The following TAX1BP1 variants were observed in gnomAD, a reference collection of about 807,000 sequenced individuals.
The protein encoded by TAX1BP1 is Tax1 binding protein 1, also known as tax1-binding protein 1.
In TAX1BP1, 62 loss-of-function variants were observed where a neutral mutation model predicts 97.7. The ratio of observed to expected loss-of-function variants is 0.63; its 90% CI spans 0.52 to 0.78. The LOEUF (loss-of-function observed/expected upper bound fraction) is 0.78, where lower values mean the gene tolerates loss of function less well. Ranked by LOEUF, TAX1BP1 falls within the 30% of genes least tolerant of loss-of-function variation. TAX1BP1 has a pLI of 0.00. For missense variants in TAX1BP1, 867 were observed against 916.1 expected (o/e 0.95, Z 0.69); for synonymous variants, 340 against 304.2 (o/e 1.12, Z -1.23).
rs149513998 is a variant in TAX1BP1, at chr7:27,781,613, A to G, written c.613-3550A>G. ...GGACTGACAGTGCTCTAGGTTATTC[A>G]GGGAGTGAGTAGTGAGTGAATGTGA... On this transcript the variant is annotated intron_variant, in intron 5 of 16. Coordinates refer to ENST00000396319, the MANE Select transcript of TAX1BP1 (RefSeq NM_006024.7). Among the ~76,000 whole-genome samples, 70 of 152,328 alleles carry G rather than the reference A, an allele frequency of 4.6e-4. 1 individual carries two copies. Among genetic ancestry groups the G allele is most frequent in the Non-Finnish European group, 2.9e-4 (20 of 68,024 alleles).
intron 5 of TAX1BP1, among the ~76,000 whole-genome samples, chr7:27,777,941 C>G (rs148035809): frequency 6.6e-6 from 1 of 152,146 alleles, no homozygotes; most frequent in Non-Finnish European, 1.5e-5. Context: ...GTTCTTGTTA[C>G]TTTATCTTGG....
At chr7:27,804,633 A>C (rs945503238) in intron 13 of TAX1BP1, among the ~76,000 whole-genome samples, 1 of 152,258 alleles carries the variant, frequency 6.6e-6, no homozygotes, top group African/African-American at 2.4e-5. Flanking sequence ...TTCACACATA[A>C]GTACTTAATA....
rs34270007 is a variant in TAX1BP1 at position 27,828,864 on chromosome 7, T to TAAAAA, written c.*48_*52dup. The TAAAAA allele has an allele frequency of 3.0e-4, 298 of 988,680 alleles. 1 individual carries two copies. The highest frequency in any genetic ancestry group is 2.9e-4 in the Non-Finnish European group (202 of 705,126). The allele number at this position is 988,680 out of a possible 1,614,324, so 61.2% of individuals were successfully genotyped here. A position where few individuals can be genotyped will look rare whatever the true frequency, so the allele number is the denominator to read the frequency against. On this transcript the variant is annotated 3_prime_UTR_variant, in exon 17 of 17. Coordinates refer to ENST00000396319, the MANE Select transcript of TAX1BP1 (RefSeq NM_006024.7). ...ATTATGAGTTAATATAGTTTAGCAG[T>TAAAAA]AAAAAAAAAAAAAAAAACCACACCT...
chr7:27,816,833 A>G, intron 14 of TAX1BP1, 57 bp from the exon 15 acceptor site: 1 of 1,592,304 alleles, frequency 6.3e-7, no homozygotes, highest in Non-Finnish European at 8.6e-7. Flanking sequence ...ATCTGTATAT[A>G]CAGATGTTAG....
At chr7:27,820,123 T>G (rs1790918885) in intron 15 of TAX1BP1, among the ~76,000 whole-genome samples, 1 of 152,246 alleles carries the variant, frequency 6.6e-6, no homozygotes. Context: ...CTAACCCCAA[T>G]CATTCAAGGC....
Position 27,786,239 on chromosome 7 carries a change from C to T in TAX1BP1, c.852+750C>T, listed in dbSNP as rs553204434. Among the ~76,000 whole-genome samples, 90 of 151,318 alleles carry T rather than the reference C, an allele frequency of 5.9e-4. 2 individuals carry two copies. The highest frequency in any genetic ancestry group is 2.2e-3 in the Admixed American group (34 of 15,176). ...CTCTGCCTCTCGGGTTCACGCCATT[C>T]TCCTGCCTCAGCCTCCCGAGGACCT... On this transcript the variant is annotated intron_variant, in intron 7 of 16. Transcript: ENST00000396319.
At chr7:27,786,132 A>AT (rs34913580) in intron 7 of TAX1BP1, among the ~76,000 whole-genome samples, 2,675 of 140,506 alleles carry the variant, frequency 0.019, 75 homozygotes, top group African/African-American at 0.058. Flanking sequence ...GAAGTTTTGA[A>AT]TTTTTTTTTT....
chr7:27,747,979 T>C (rs1342098188), intron 1 of TAX1BP1, among the ~76,000 whole-genome samples: 1 of 152,038 alleles, frequency 6.6e-6, no homozygotes, highest in Non-Finnish European at 1.5e-5. Context: ...AGCGTCAGGT[T>C]TAGTTATAGG....
At chr7:27,769,167 A>G (rs1788750810) in intron 4 of TAX1BP1, among the ~76,000 whole-genome samples, 1 of 151,890 alleles carries the variant, frequency 6.6e-6, no homozygotes, top group African/African-American at 2.4e-5. Flanking sequence ...AGGCCATTTT[A>G]TATATAGAAA....
intron 1 of TAX1BP1, among the ~76,000 whole-genome samples, chr7:27,740,564 G>T (rs1163802403): frequency 2.0e-5 from 3 of 152,192 alleles, no homozygotes; most frequent in Non-Finnish European, 4.4e-5. Context: ...TTTGGGGGAG[G>T]CGTGTGGGAC....
intron 5 of TAX1BP1, among the ~76,000 whole-genome samples, chr7:27,779,535 T>C (rs771412023): frequency 6.6e-6 from 1 of 152,232 alleles, no homozygotes; most frequent in Non-Finnish European, 1.5e-5. Context: ...GTAGTTGAAT[T>C]TGGGTATGAT....
At position 27,800,005 on chromosome 7, in the gene TAX1BP1, C is replaced by G. The variant is rs369666491; in HGVS notation, c.1679C>G (p.Ala560Gly). The G allele has an allele frequency of 3.7e-6, 6 of 1,601,264 alleles. No homozygotes were observed. The African/African-American group carries it at 5.4e-5, about 14-fold the overall frequency. ...AKCNKYADELAKMELKWKEQV... is the reference protein window; with the variant it reads ...AKCNKYADELGKMELKWKEQV... Reference sequence around the variant, plus strand: ...TGCAATAAATATGCTGATGAACTTGCAAAAATGGAGCTGAAATGGAAAGAA... The same window carrying G: ...TGCAATAAATATGCTGATGAACTTGGAAAAATGGAGCTGAAATGGAAAGAA... The change falls in exon 13 of 17, where the codon GCA (alanine) becomes GGA (glycine). Residue 560 changes from alanine to glycine, a missense_variant. Transcript: ENST00000396319.
chr7:27,767,218 T>G (rs1562708420), intron 4 of TAX1BP1, among the ~76,000 whole-genome samples: 1 of 152,184 alleles, frequency 6.6e-6, no homozygotes, highest in Non-Finnish European at 1.5e-5. Context: ...GAAAAATAGT[T>G]TCTCAAATTG....
At chr7:27,774,031 A>G (rs1240782493) in intron 5 of TAX1BP1, among the ~76,000 whole-genome samples, 2 of 152,124 alleles carry the variant, frequency 1.3e-5, no homozygotes, top group Non-Finnish European at 2.9e-5. Flanking sequence ...TATTGCCAAA[A>G]CAATGTAATG....
At chr7:27,807,201 C>G (rs1790371823) in intron 13 of TAX1BP1, among the ~76,000 whole-genome samples, 1 of 152,120 alleles carries the variant, frequency 6.6e-6, no homozygotes, top group African/African-American at 2.4e-5. Flanking sequence ...ACATAACAGT[C>G]CCTGCATATT....
intron 4 of TAX1BP1, among the ~76,000 whole-genome samples, chr7:27,767,999 AC>A (rs1281829247): frequency 6.6e-6 from 1 of 151,974 alleles, no homozygotes; most frequent in African/African-American, 2.4e-5. Flanking sequence ...GATTAGTGAG[AC>A]ATAATTTTGC....
At chr7:27,814,771 T>C (rs1398300191) in intron 13 of TAX1BP1, among the ~76,000 whole-genome samples, 1 of 152,004 alleles carries the variant, frequency 6.6e-6, no homozygotes. Flanking sequence ...AGTCTCATTC[T>C]GTCACCCATG....
chr7:27,803,066 T>G (rs1457659255), intron 13 of TAX1BP1: 27 of 1,515,416 alleles, frequency 1.8e-5, no homozygotes, highest in African/African-American at 8.4e-5. Flanking sequence ...AAGGAGGGAG[T>G]AGGTAAATGA....
At chr7:27,792,636 A>G (rs1789762123) in intron 9 of TAX1BP1, among the ~76,000 whole-genome samples, 1 of 152,184 alleles carries the variant, frequency 6.6e-6, no homozygotes, top group Non-Finnish European at 1.5e-5. Flanking sequence ...ACTTAACAAG[A>G]GACCCTATGT....
Sources: gnomAD v4.1 joint callset for allele counts (sites outside exome capture counted in the v4.1 genomes callset) on GRCh38, gnomAD v4.1.1 for gene constraint, MANE v1.5 for transcripts, NCBI Gene and HGNC (gene_info 2026-07-23, HGNC 2026-07-21) for gene names.